The following ADAP2 variants were observed in gnomAD, a reference collection of about 807,000 sequenced individuals.
ADAP2 encodes arf-GAP with dual PH domain-containing protein 2.
ADAP2 carries 42 observed loss-of-function variants against 54.9 expected under a neutral mutation model. The ratio of observed to expected loss-of-function variants is 0.77; its 90% CI spans 0.60 to 0.99. The LOEUF is 0.99. Among genes scored for constraint, ADAP2 ranks in the 50% least tolerant of loss-of-function variants. The pLI is 0.00. For synonymous variants in ADAP2, 177 were observed against 180.1 expected (o/e 0.98, Z 0.14); for missense variants, 429 against 480.4 (o/e 0.89, Z 1.00).
intron 9 of ADAP2, 53 bp downstream of exon 9, chr17:30,954,608 G>A (rs2232280): frequency 2.0e-6 from 3 of 1,463,578 alleles, no homozygotes; most frequent in Admixed American, 3.4e-5. Flanking sequence ...TTGCTGGGTG[G>A]TGCTTGTCTG....
intron 1 of ADAP2, among the ~76,000 whole-genome samples, chr17:30,922,663 G>C (rs997356334): frequency 2.0e-5 from 3 of 151,944 alleles, no homozygotes; most frequent in African/African-American, 7.3e-5. Flanking sequence ...CGAGCCCCGC[G>C]GTGCGCCCCC....
chr17:30,949,748 CAA>C (rs34131343), intron 7 of ADAP2, among the ~76,000 whole-genome samples: 1 of 61,982 alleles, frequency 1.6e-5, no homozygotes. Context: ...GACTCCGTCT[CAA>C]AAAAAAAAAA....
intron 3 of ADAP2, 60 bp downstream of exon 3, chr17:30,926,978 C>A: frequency 4.5e-6 from 6 of 1,325,200 alleles, no homozygotes; most frequent in Non-Finnish European, 5.4e-6. Flanking sequence ...ACCTCCTCCC[C>A]CTCTCCATCT....
At chr17:30,956,742 C>A in intron 10 of ADAP2, 1 of 480,646 alleles carries the variant, frequency 2.1e-6, no homozygotes, top group Non-Finnish European at 3.8e-6. Context: ...CTGTCTGTAC[C>A]CCTTGCGGTG....
At chr17:30,941,931 G>C (rs1437267033) in intron 5 of ADAP2, among the ~76,000 whole-genome samples, 1 of 151,528 alleles carries the variant, frequency 6.6e-6, no homozygotes, top group Non-Finnish European at 1.5e-5. Flanking sequence ...TTTCGAGATG[G>C]AGTCTTGCTC....
intron 4 of ADAP2, among the ~76,000 whole-genome samples, chr17:30,933,735 T>C (rs1020907387): frequency 6.6e-6 from 1 of 152,232 alleles, no homozygotes; most frequent in Non-Finnish European, 1.5e-5. Flanking sequence ...CCCGACCTTG[T>C]GATCTGCCCG....
chr17:30,944,781 G>C, intron 5 of ADAP2, 126 bp from the exon 6 acceptor site: 3 of 1,015,266 alleles, frequency 3.0e-6, no homozygotes, highest in South Asian at 1.6e-5. Context: ...TTCGATATGA[G>C]AGCAAGAACA....
intron 9 of ADAP2, among the ~76,000 whole-genome samples, chr17:30,955,926 T>C (rs1905034370): frequency 6.6e-6 from 1 of 152,036 alleles, no homozygotes; most frequent in South Asian, 2.1e-4. Context: ...TAATTTTTTT[T>C]TGTAGAGAAG....
chr17:30,931,740 G>T, intron 3 of ADAP2, 149 bp from the exon 4 acceptor site: 1 of 517,340 alleles, frequency 1.9e-6, no homozygotes. Context: ...AGGATCGCCT[G>T]GGCCTAGGAG....
At chr17:30,953,220 C>A in intron 7 of ADAP2, 68 bp from the exon 8 acceptor site, 1 of 1,520,946 alleles carries the variant, frequency 6.6e-7, no homozygotes, top group Non-Finnish European at 9.1e-7. Flanking sequence ...TTGTCGGGAG[C>A]CAAGCTCGGC....
chr17:30,950,472 G>A (rs1454221806), intron 7 of ADAP2, among the ~76,000 whole-genome samples: 2 of 152,112 alleles, frequency 1.3e-5, no homozygotes, highest in Non-Finnish European at 2.9e-5. Context: ...GTAAGATGGC[G>A]GTTAGTCCAG....
intron 5 of ADAP2, among the ~76,000 whole-genome samples, chr17:30,938,665 C>G (rs752752288): frequency 2.6e-5 from 4 of 152,156 alleles, no homozygotes; most frequent in African/African-American, 9.7e-5. Context: ...GCTCTGAGCA[C>G]TTTAGCCTTC....
At chr17:30,953,420 G>T in intron 8 of ADAP2, 70 bp downstream of exon 8, 1 of 1,503,812 alleles carries the variant, frequency 6.6e-7, no homozygotes, top group South Asian at 1.2e-5. Flanking sequence ...GTGTTTATGG[G>T]ATGATTGTTA....
rs1912541692 is a variant in ADAP2 at position 30,944,901 on chromosome 17, T to C, written c.511-6T>C. ...CAGCGTCTTTCTTTCTCTTTCTCTCTTTCAGGGTAAAAGCCCCAAAGCTGT... is the reference window on the plus strand; with the variant it reads ...CAGCGTCTTTCTTTCTCTTTCTCTCCTTCAGGGTAAAAGCCCCAAAGCTGT... On this transcript the variant is annotated splice_polypyrimidine_tract_variant and splice_region_variant and intron_variant, in intron 5 of 10. Coordinates refer to ENST00000330889, the MANE Select transcript of ADAP2 (RefSeq NM_018404.3). 6.2e-7 allele frequency: 1 copy of C among 1,612,894 alleles called. No individual in the cohort carries two copies. Among genetic ancestry groups the C allele is most frequent in the Non-Finnish European group, 8.5e-7 (1 of 1,179,734 alleles).
In ADAP2 at chr17:30,955,751, T is replaced by C. The variant is rs888200456; in HGVS notation, c.883-490T>C. Among the ~76,000 whole-genome samples the C allele has an allele frequency of 3.3e-5, 5 of 149,272 alleles. No individual in the cohort carries two copies. In the East Asian group the frequency reaches 5.9e-4, roughly 18 times the overall value. ...AAGAAACTTAAAAATTAGTCAGGTG[T>C]GGTGGTGCATGCCTGTAGTCCTAGC... is the stretch of plus-strand genomic sequence containing the variant. On this transcript the variant is annotated intron_variant, in intron 9 of 10. Coordinates refer to ENST00000330889, the MANE Select transcript of ADAP2 (RefSeq NM_018404.3).
chr17:30,956,123 G>A lies in ADAP2; in HGVS notation c.883-118G>A. ...TTCAAATTCTGGGTCCCACTTAGCAGAAATCCCAGCAGGGACCTCATACCC... is the reference window on the plus strand; with the variant it reads ...TTCAAATTCTGGGTCCCACTTAGCAAAAATCCCAGCAGGGACCTCATACCC... On this transcript the variant is annotated intron_variant, in intron 9 of 10. Coordinates refer to ENST00000330889, the MANE Select transcript of ADAP2 (RefSeq NM_018404.3). The A allele has an allele frequency of 5.0e-6, 4 of 792,638 alleles. No homozygotes were observed. The South Asian group carries it at 5.3e-5, about 11-fold the overall frequency. 49.1% of individuals were successfully genotyped at this position (792,638 alleles called of 1,614,324 possible). A position where few individuals can be genotyped will look rare whatever the true frequency, so the allele number is the denominator to read the frequency against.
chr17:30,951,849 GT>G (rs1904671611), intron 7 of ADAP2, among the ~76,000 whole-genome samples: 1 of 148,746 alleles, frequency 6.7e-6, no homozygotes, highest in Admixed American at 6.8e-5. Context: ...TGGAGACGGG[GT>G]TTCACCGTGT....
rs1039605579 is a variant in ADAP2 at position 30,921,975 on chromosome 17, G to T, written c.-40G>T. On this transcript the variant is annotated 5_prime_UTR_variant, in exon 1 of 11. Transcript: ENST00000330889. The stretch of plus-strand genomic sequence containing the variant: ...TCTCCACCTGCCGGGCGGAGCGCAC[G>T]GGCCATGGGCTGAGCCCCGCTGAGC... The T allele has an allele frequency of 2.1e-5, 26 of 1,212,618 alleles. No individual in the cohort carries two copies. Among genetic ancestry groups the T allele is most frequent in the South Asian group, 7.7e-5 (2 of 26,130 alleles). The allele number at this position is 1,212,618 out of a possible 1,614,324, so 75.1% of individuals were successfully genotyped here.
chr17:30,945,938 G>A (rs1158007704), intron 6 of ADAP2, among the ~76,000 whole-genome samples: 1 of 151,562 alleles, frequency 6.6e-6, no homozygotes, highest in South Asian at 2.1e-4. Flanking sequence ...CGGATCACGA[G>A]GTCAGGAGAT....
Sources: allele counts gnomAD v4.1 joint callset (sites outside exome capture counted in the v4.1 genomes callset), GRCh38; gene constraint gnomAD v4.1.1; transcripts MANE v1.5; gene names NCBI Gene and HGNC (gene_info 2026-07-23, HGNC 2026-07-21).